LYPLA1: variants seen among roughly 807,000 people sequenced by gnomAD.
LYPLA1 encodes acyl-protein thioesterase 1.
A neutral mutation model predicts 34.0 loss-of-function variants in LYPLA1; 17 were observed. That is an observed-to-expected ratio of 0.50 (90% confidence interval 0.34 to 0.75). The LOEUF is 0.75. LYPLA1 is among the 30% of genes least tolerant of loss of function. The pLI is 0.01. For missense variants in LYPLA1, 203 were observed against 288.8 expected, an observed-to-expected ratio of 0.70 and a Z score of 2.15; for synonymous variants, 98 against 100.8, an observed-to-expected ratio of 0.97 and a Z score of 0.17.
chr8:54,065,734 TC>T lies in LYPLA1; in HGVS notation c.167+13del. 1 of 1,609,928 alleles carries T rather than the reference TC, an allele frequency of 6.2e-7. No homozygotes were observed. Among genetic ancestry groups the T allele is most frequent in the Non-Finnish European group, 8.5e-7 (1 of 1,176,804 alleles). ...AGACTCTGAATCACAAGCCTGAAGA[TC>T]AGAAATACTCACGCATGCGGGCAGA... On this transcript the variant is annotated intron_variant, in intron 3 of 8. Coordinates refer to ENST00000316963, the MANE Select transcript of LYPLA1 (RefSeq NM_006330.4).
rs1655200304 is a variant in LYPLA1, at chr8:54,047,538, T to C, written c.*527A>G. The C allele has an allele frequency of 6.6e-6, 1 of 152,182 alleles. No homozygotes were observed. Among genetic ancestry groups the C allele is most frequent in the Non-Finnish European group, 1.5e-5 (1 of 68,016 alleles). The allele number at this position is 152,182 out of a possible 1,614,324, so 9.4% of individuals were successfully genotyped here. A position where few individuals can be genotyped will look rare whatever the true frequency, so the allele number is the denominator to read the frequency against. ...TCTTGACAATAAACAGCATTATCCC[T>C]ATTATTAGGAATAATGTAATACCAC... On this transcript the variant is annotated 3_prime_UTR_variant, in exon 9 of 9. Transcript: ENST00000316963.
chr8:54,092,419 T>G (rs1302654969), intron 2 of LYPLA1, among the ~76,000 whole-genome samples: 1 of 152,070 alleles, frequency 6.6e-6, no homozygotes, highest in Non-Finnish European at 1.5e-5. Flanking sequence ...ACAAATTCCT[T>G]GGTCTCATTC....
chr8:54,053,374 G>A (rs1384311171), intron 6 of LYPLA1: 2 of 308,422 alleles, frequency 6.5e-6, no homozygotes, highest in Non-Finnish European at 1.3e-5. Flanking sequence ...GATTACAGGT[G>A]TGAGCCACCG....
At chr8:54,099,764 G>C (rs1000426172) in intron 2 of LYPLA1, among the ~76,000 whole-genome samples, 11 of 151,638 alleles carry the variant, frequency 7.3e-5, no homozygotes, top group African/African-American at 2.7e-4. Context: ...GCTCACTGAA[G>C]CCTCTGCCTC....
At chr8:54,049,864 C>T (rs1432025544) in intron 8 of LYPLA1, among the ~76,000 whole-genome samples, 4 of 152,194 alleles carry the variant, frequency 2.6e-5, no homozygotes, top group African/African-American at 7.2e-5. Flanking sequence ...GCTTTATCTA[C>T]CCAAACATCC....
At chr8:54,065,671 T>C (rs913780869) in intron 3 of LYPLA1, 77 bp downstream of exon 3, 6 of 1,058,346 alleles carry the variant, frequency 5.7e-6, no homozygotes, top group Admixed American at 3.8e-5. Context: ...TTCAAATACT[T>C]TTCTGGAAGG....
intron 2 of LYPLA1, among the ~76,000 whole-genome samples, chr8:54,082,858 C>T (rs1326149576): frequency 6.6e-6 from 1 of 151,764 alleles, no homozygotes; most frequent in Non-Finnish European, 1.5e-5. Context: ...TCCCAAGTAG[C>T]TGGGACTACA....
At chr8:54,073,566 T>TAC in intron 2 of LYPLA1, 2 of 613,776 alleles carry the variant, frequency 3.3e-6, no homozygotes, top group Non-Finnish European at 5.9e-6. Context: ...AAAGTTACTA[T>TAC]TAATCGACAC....
intron 8 of LYPLA1, among the ~76,000 whole-genome samples, chr8:54,049,377 TCTCC>T: frequency 6.6e-6 from 1 of 152,178 alleles, no homozygotes; most frequent in African/African-American, 2.4e-5. Flanking sequence ...CTCTCTTCTC[TCTCC>T]ATCTCCTGTT....
intron 2 of LYPLA1, among the ~76,000 whole-genome samples, chr8:54,088,328 C>T (rs1808954960): frequency 1.3e-5 from 2 of 152,118 alleles, no homozygotes; most frequent in Non-Finnish European, 2.9e-5. Flanking sequence ...AGAGGGACCT[C>T]TATTTTACTT....
chr8:54,086,438 TAAA>T (rs768755796), intron 2 of LYPLA1, among the ~76,000 whole-genome samples: 1,293 of 34,674 alleles, frequency 0.037, 9 homozygotes, highest in African/African-American at 0.076. Flanking sequence ...CTAAAAAAAT[TAAA>T]AAAAAAAAAA....
chr8:54,083,064 C>G (rs1006088518), intron 2 of LYPLA1, among the ~76,000 whole-genome samples: 4 of 152,162 alleles, frequency 2.6e-5, no homozygotes, highest in African/African-American at 9.7e-5. Context: ...TCGCAGACAT[C>G]ATTTTTTCCT....
intron 3 of LYPLA1, among the ~76,000 whole-genome samples, chr8:54,063,889 T>A (rs1215474203): frequency 6.6e-6 from 1 of 152,128 alleles, no homozygotes; most frequent in Non-Finnish European, 1.5e-5. Context: ...CCAATTCAAG[T>A]CTGTGATTAA....
intron 2 of LYPLA1, chr8:54,073,083 A>C: frequency 3.4e-6 from 2 of 596,792 alleles, no homozygotes; most frequent in Admixed American, 4.9e-5. Context: ...AAGTCAAAAA[A>C]GGTCGTTAAG....
At chr8:54,051,693 C>T (rs1043437460) in intron 7 of LYPLA1, among the ~76,000 whole-genome samples, 8 of 152,268 alleles carry the variant, frequency 5.3e-5, no homozygotes, top group East Asian at 3.9e-4. Flanking sequence ...TTGTGATCCA[C>T]CTGCCTTGGC....
At chr8:54,066,211 A>C (rs1391289575) in intron 2 of LYPLA1, among the ~76,000 whole-genome samples, 1 of 152,120 alleles carries the variant, frequency 6.6e-6, no homozygotes, top group African/African-American at 2.4e-5. Context: ...TGCTGGGAAT[A>C]CAGGCGTGAG....
intron 2 of LYPLA1, among the ~76,000 whole-genome samples, chr8:54,076,738 T>C (rs1386269039): frequency 6.6e-6 from 1 of 152,250 alleles, no homozygotes; most frequent in Non-Finnish European, 1.5e-5. Context: ...GACATGCTCC[T>C]GCTGCAGTTA....
chr8:54,061,279 C>T (rs1316263545), intron 5 of LYPLA1, among the ~76,000 whole-genome samples: 1 of 152,034 alleles, frequency 6.6e-6, no homozygotes, highest in Non-Finnish European at 1.5e-5. Context: ...CGGGGTTTCA[C>T]TAGGTTAGCC....
intron 5 of LYPLA1, among the ~76,000 whole-genome samples, chr8:54,058,325 C>CTTGAGGCCAGGAGT (rs1395031836): frequency 6.6e-6 from 1 of 152,170 alleles, no homozygotes; most frequent in Non-Finnish European, 1.5e-5. Flanking sequence ...AGCAGATCAA[C>CTTGAGGCCAGGAGT]TTGAGGCCAG....
Sources: allele counts gnomAD v4.1 joint callset (sites outside exome capture counted in the v4.1 genomes callset), GRCh38; gene constraint gnomAD v4.1.1; transcripts MANE v1.5; gene names NCBI Gene and HGNC (gene_info 2026-07-23, HGNC 2026-07-21).